XRCC4: variants seen among roughly 807,000 people sequenced by gnomAD.
XRCC4 encodes the protein DNA repair protein XRCC4.
A neutral mutation model predicts 39.1 loss-of-function variants in XRCC4; 28 were observed. The observed-to-expected ratio is 0.72, with a 90% CI of 0.53 to 0.98. The LOEUF (loss-of-function observed/expected upper bound fraction) is 0.98, where lower values mean the gene tolerates loss of function less well. XRCC4 is among the 50% of genes least tolerant of loss of function. XRCC4 has a pLI of 0.00. For synonymous variants in XRCC4, 123 were observed against 126.4 expected, an observed-to-expected ratio of 0.97 and a Z score of 0.18; for missense variants, 350 against 376.4, an observed-to-expected ratio of 0.93 and a Z score of 0.58.
intron 3 of XRCC4, among the ~76,000 whole-genome samples, chr5:83,178,759 G>A (rs1750074688): frequency 6.6e-6 from 1 of 152,206 alleles, no homozygotes; most frequent in Non-Finnish European, 1.5e-5. Context: ...ATGCTGGAGA[G>A]AGGATAATCG....
intron 3 of XRCC4, among the ~76,000 whole-genome samples, chr5:83,192,306 A>AATATATATATAT (rs1032293813): frequency 9.6e-6 from 1 of 104,102 alleles, no homozygotes. Flanking sequence ...ACGTATATAT[A>AATATATATATAT]ATATATATAT....
intron 7 of XRCC4, among the ~76,000 whole-genome samples, chr5:83,313,428 T>G (rs368369614): frequency 6.6e-6 from 1 of 152,278 alleles, no homozygotes; most frequent in African/African-American, 2.4e-5. Context: ...ATAGTACATG[T>G]AACCAGTTTA....
At chr5:83,349,650 G>T (rs1401021062) in intron 7 of XRCC4, among the ~76,000 whole-genome samples, 1 of 152,098 alleles carries the variant, frequency 6.6e-6, no homozygotes, top group Non-Finnish European at 1.5e-5. Context: ...GTGGTCCTTT[G>T]GTCATATGCT....
At chr5:83,209,844 G>A (rs895541906) in intron 6 of XRCC4, among the ~76,000 whole-genome samples, 2 of 152,014 alleles carry the variant, frequency 1.3e-5, no homozygotes, top group African/African-American at 4.8e-5. Flanking sequence ...TATTAAAGGT[G>A]CACAACCACT....
intron 3 of XRCC4, among the ~76,000 whole-genome samples, chr5:83,150,090 A>G (rs1171692248): frequency 6.6e-6 from 1 of 152,172 alleles, no homozygotes; most frequent in African/African-American, 2.4e-5. Flanking sequence ...TTAATCTTCT[A>G]TTCGTGGCTA....
At chr5:83,079,289 T>C (rs1744825383) in intron 1 of XRCC4, among the ~76,000 whole-genome samples, 1 of 152,250 alleles carries the variant, frequency 6.6e-6, no homozygotes. Flanking sequence ...CAAATATGTA[T>C]AATGTTTATT....
intron 7 of XRCC4, among the ~76,000 whole-genome samples, chr5:83,309,274 A>T (rs1755602082): frequency 9.6e-6 from 1 of 104,636 alleles, no homozygotes; most frequent in African/African-American, 6.1e-5. Context: ...CTCAAAAAAA[A>T]AAAAAAAAAA....
chr5:83,155,641 T>C (rs905725040), intron 3 of XRCC4, among the ~76,000 whole-genome samples: 3 of 152,104 alleles, frequency 2.0e-5, no homozygotes, highest in African/African-American at 7.2e-5. Flanking sequence ...TTTTCCACTG[T>C]ATTGAAAAAT....
At chr5:83,309,567 C>G (rs368894840) in intron 7 of XRCC4, among the ~76,000 whole-genome samples, 3 of 150,792 alleles carry the variant, frequency 2.0e-5, no homozygotes, top group Admixed American at 6.6e-5. Context: ...CGAGACCATC[C>G]TGGCTAACAC....
At chr5:83,163,239 G>A (rs1580314471) in intron 3 of XRCC4, among the ~76,000 whole-genome samples, 1 of 152,042 alleles carries the variant, frequency 6.6e-6, no homozygotes, top group East Asian at 1.9e-4. Context: ...GAGCCACTGC[G>A]CCTGGCCTGC....
chr5:83,157,008 T>G (rs182116076), intron 3 of XRCC4, among the ~76,000 whole-genome samples: 4 of 151,792 alleles, frequency 2.6e-5, no homozygotes, highest in Non-Finnish European at 5.9e-5. Flanking sequence ...CCTCCTTTCA[T>G]TTTTAGAAAA....
intron 1 of XRCC4, among the ~76,000 whole-genome samples, chr5:83,085,468 A>C (rs1745139365): frequency 8.1e-6 from 1 of 122,946 alleles, no homozygotes. Flanking sequence ...TTAAAGTTTA[A>C]ATGTTTATGA....
At chr5:83,115,428 A>G (rs1342302824) in intron 3 of XRCC4, among the ~76,000 whole-genome samples, 1 of 149,296 alleles carries the variant, frequency 6.7e-6, no homozygotes, top group Non-Finnish European at 1.5e-5. Flanking sequence ...ACTCTGTCTC[A>G]AAAAACAAAC....
At position 83,308,418 on chromosome 5, in the gene XRCC4, A is replaced by T. The variant is rs559526566; in HGVS notation, c.894-44713A>T. ...GAATAAGTTAATAACATATTATAAA[A>T]TTGGGCCACTTTTAACCATTTATAT... On this transcript the variant is annotated intron_variant, in intron 7 of 7. Transcript: ENST00000396027. Among the ~76,000 whole-genome samples the T allele has an allele frequency of 2.0e-5, 3 of 151,858 alleles. 1 individual carries two copies. In the South Asian group the frequency reaches 6.2e-4, roughly 31 times the overall value.
rs1753810424 is a variant in XRCC4 at position 83,262,876 on chromosome 5, G to A, written c.893+4199G>A. Among the ~76,000 whole-genome samples the A allele has an allele frequency of 2.8e-5, 4 of 145,324 alleles. No homozygotes were observed. The Admixed American group carries it at 2.8e-4, about 10-fold the overall frequency. ...TTTTTTTTATACTTTAAGTTTCTGG[G>A]TACATGTGCACATTGTGCAGGTTAG... On this transcript the variant is annotated intron_variant, in intron 7 of 7. Coordinates refer to ENST00000396027, the MANE Select transcript of XRCC4 (RefSeq NM_003401.5).
chr5:83,345,697 A>G (rs1756898619), intron 7 of XRCC4, among the ~76,000 whole-genome samples: 1 of 152,166 alleles, frequency 6.6e-6, no homozygotes, highest in Non-Finnish European at 1.5e-5. Context: ...ATAGGAAGCG[A>G]TTGCTATTCC....
chr5:83,172,021 G>T (rs1212593069), intron 3 of XRCC4, among the ~76,000 whole-genome samples: 1 of 152,128 alleles, frequency 6.6e-6, no homozygotes, highest in African/African-American at 2.4e-5. Flanking sequence ...ATCTTAAAAT[G>T]TTGTTTTCTG....
chr5:83,229,473 A>G (rs1158745197), intron 6 of XRCC4, among the ~76,000 whole-genome samples: 2 of 151,762 alleles, frequency 1.3e-5, no homozygotes, highest in African/African-American at 2.4e-5. Context: ...TCAAAGACCA[A>G]TGACGGGTTG....
intron 3 of XRCC4, among the ~76,000 whole-genome samples, chr5:83,132,055 A>G (rs1222214373): frequency 1.3e-5 from 2 of 151,940 alleles, no homozygotes; most frequent in African/African-American, 4.8e-5. Flanking sequence ...TTCCTTCAGG[A>G]GCTCTTATAA....
Sources: allele counts gnomAD v4.1 joint callset (sites outside exome capture counted in the v4.1 genomes callset), GRCh38; gene constraint gnomAD v4.1.1; transcripts MANE v1.5; gene names NCBI Gene and HGNC (gene_info 2026-07-23, HGNC 2026-07-21).